Variants in EBF2 observed in about 807,000 individuals in gnomAD.
EBF2 encodes the protein transcription factor COE2.
Under a neutral mutation model 72.8 loss-of-function variants are expected in EBF2, and 21 were observed. That is an observed-to-expected ratio of 0.29 (90% CI 0.20 to 0.42). The LOEUF (loss-of-function observed/expected upper bound fraction) is 0.42, where lower values mean the gene tolerates loss of function less well. Ranked by LOEUF, EBF2 falls within the 10% of genes least tolerant of loss-of-function variation. The pLI, the probability that EBF2 is intolerant of heterozygous loss-of-function variation, is 1.00. For missense variants in EBF2, 637 were observed against 731.2 expected, an observed-to-expected ratio of 0.87 and a Z score of 1.49; for synonymous variants, 299 against 274.2, an observed-to-expected ratio of 1.09 and a Z score of -0.89.
intron 10 of EBF2, among the ~76,000 whole-genome samples, chr8:25,878,480 T>C (rs767458325): frequency 3.9e-5 from 6 of 152,144 alleles, no homozygotes; most frequent in African/African-American, 7.2e-5. Context: ...AAGCCACTGA[T>C]AGTGGATGAA....
chr8:25,905,482 A>G (rs188223563), intron 7 of EBF2, among the ~76,000 whole-genome samples: 140 of 152,010 alleles, frequency 9.2e-4, no homozygotes, highest in South Asian at 9.1e-3. Flanking sequence ...TGATATATCC[A>G]TACAATGGAA....
At chr8:25,861,594 T>G (rs1214542763) in intron 11 of EBF2, among the ~76,000 whole-genome samples, 50 of 150,662 alleles carry the variant, frequency 3.3e-4, no homozygotes, top group Admixed American at 3.2e-3. Flanking sequence ...AAAATGGCTC[T>G]ATAAATGATT....
chr8:25,894,165 G>A (rs11135901), intron 7 of EBF2, among the ~76,000 whole-genome samples: 65,647 of 152,038 alleles, frequency 0.43, 16,110 homozygotes, highest in East Asian at 0.72. Context: ...AGACCTGTTT[G>A]GTGGTTATTT....
chr8:25,902,482 C>A (rs966381340), intron 7 of EBF2, among the ~76,000 whole-genome samples: 3 of 151,846 alleles, frequency 2.0e-5, no homozygotes, highest in African/African-American at 7.2e-5. Flanking sequence ...TTCTTTTGCT[C>A]TCTTAAAAAT....
intron 10 of EBF2, among the ~76,000 whole-genome samples, chr8:25,870,386 A>C (rs10103155): frequency 0.56 from 84,680 of 151,794 alleles, 25,256 homozygotes; most frequent in African/African-American, 0.78. Context: ...GGCAGAAAAT[A>C]TAACCCCTCC....
chr8:26,025,116 G>C (rs1805279607), intron 6 of EBF2, among the ~76,000 whole-genome samples: 1 of 152,144 alleles, frequency 6.6e-6, no homozygotes, highest in Non-Finnish European at 1.5e-5. Flanking sequence ...CAGAGTGCTT[G>C]TGGTGGGTAT....
At chr8:26,035,816 C>T (rs1439942098) in intron 5 of EBF2, among the ~76,000 whole-genome samples, 1 of 152,148 alleles carries the variant, frequency 6.6e-6, no homozygotes, top group East Asian at 1.9e-4. Context: ...CCAAGATTAA[C>T]ACCAATAAAA....
At chr8:26,001,035 G>A (rs1382714173) in intron 6 of EBF2, among the ~76,000 whole-genome samples, 1 of 152,218 alleles carries the variant, frequency 6.6e-6, no homozygotes, top group Non-Finnish European at 1.5e-5. Context: ...GCAGTCTTTA[G>A]CAAATGACTC....
intron 5 of EBF2, among the ~76,000 whole-genome samples, chr8:26,039,652 A>C (rs1805565385): frequency 6.6e-6 from 1 of 152,098 alleles, no homozygotes; most frequent in African/African-American, 2.4e-5. Context: ...AGTAACTCCA[A>C]GTGGAGTTAC....
chr8:26,026,089 A>T (rs1004845854), intron 6 of EBF2, among the ~76,000 whole-genome samples: 2 of 152,146 alleles, frequency 1.3e-5, no homozygotes, highest in African/African-American at 2.4e-5. Context: ...AGGAGGGAGG[A>T]TCACTTAAGC....
At chr8:25,974,872 G>A (rs1391763581) in intron 6 of EBF2, among the ~76,000 whole-genome samples, 2 of 152,106 alleles carry the variant, frequency 1.3e-5, no homozygotes, top group African/African-American at 2.4e-5. Flanking sequence ...AGGGCCATCA[G>A]GGTCGAAGCA....
At chr8:25,913,487 G>A (rs955316236) in intron 6 of EBF2, among the ~76,000 whole-genome samples, 1 of 152,108 alleles carries the variant, frequency 6.6e-6, no homozygotes, top group Non-Finnish European at 1.5e-5. Flanking sequence ...GAACTTAGTA[G>A]TAGTTAACAG....
intron 6 of EBF2, among the ~76,000 whole-genome samples, chr8:25,988,981 T>C (rs896147002): frequency 1.3e-5 from 2 of 152,322 alleles, no homozygotes; most frequent in Admixed American, 6.5e-5. Context: ...ATTTAATTAA[T>C]TATGTGATAT....
At chr8:25,857,105 C>A (rs890458237) in intron 14 of EBF2, among the ~76,000 whole-genome samples, 1 of 152,102 alleles carries the variant, frequency 6.6e-6, no homozygotes, top group African/African-American at 2.4e-5. Flanking sequence ...ATCAAGCAAT[C>A]ATTTATTTCT....
At chr8:25,984,677 A>T (rs1016035426) in intron 6 of EBF2, among the ~76,000 whole-genome samples, 1 of 148,648 alleles carries the variant, frequency 6.7e-6, no homozygotes, top group Admixed American at 7.0e-5. Context: ...GCAAGACTCC[A>T]TCTCAAAAAA....
intron 10 of EBF2, among the ~76,000 whole-genome samples, chr8:25,869,714 A>G (rs1265857922): frequency 6.6e-6 from 1 of 152,110 alleles, no homozygotes; most frequent in East Asian, 1.9e-4. Context: ...ATTTGGGAAG[A>G]CTTTTTCTTA....
In EBF2 at chr8:25,889,868, A is replaced by G; in HGVS notation, c.635T>C (p.Val212Ala). 6.2e-7 allele frequency: 1 copy of G among 1,613,138 alleles called. No individual in the cohort carries two copies. Among genetic ancestry groups the G allele is most frequent in the Non-Finnish European group, 8.5e-7 (1 of 1,179,210 alleles). ...CACATTCACCGTTGTTGACAACACA[A>G]CCTGCATATTTAAAGTAAAAAGGAG... ...GNPRDMRRFQ[V>A]VLSTTVNVDG... Residue 212 changes from valine (V) to alanine (A), a missense_variant and splice_region_variant, in exon 8 of 16, where the codon GTT becomes GCT. Transcript: ENST00000520164.
intron 6 of EBF2, among the ~76,000 whole-genome samples, chr8:25,957,496 C>T (rs530067530): frequency 4.9e-4 from 75 of 152,286 alleles, no homozygotes; most frequent in African/African-American, 1.8e-3. Flanking sequence ...CTCCCATCCC[C>T]ACTGCCTGTG....
At chr8:25,869,088 T>C (rs919531147) in intron 10 of EBF2, among the ~76,000 whole-genome samples, 2 of 152,204 alleles carry the variant, frequency 1.3e-5, no homozygotes, top group African/African-American at 4.8e-5. Context: ...CAACCACCAA[T>C]CCTGCAATAG....
Sources: gnomAD v4.1 joint callset for allele counts (sites outside exome capture counted in the v4.1 genomes callset) on GRCh38, gnomAD v4.1.1 for gene constraint, MANE v1.5 for transcripts, NCBI Gene and HGNC (gene_info 2026-07-23, HGNC 2026-07-21) for gene names.